The following SIPA1L2 variants were observed in gnomAD, a reference collection of about 807,000 sequenced individuals.
SIPA1L2 encodes signal-induced proliferation-associated 1-like protein 2.
A neutral mutation model predicts 163.9 loss-of-function variants in SIPA1L2; 56 were observed. The ratio of observed to expected loss-of-function variants is 0.34; its 90% confidence interval spans 0.28 to 0.43. The LOEUF (loss-of-function observed/expected upper bound fraction) is 0.43. Ranked by LOEUF, SIPA1L2 falls within the 20% of genes least tolerant of loss-of-function variation. The pLI, the probability that SIPA1L2 is intolerant of heterozygous loss-of-function variation, is 1.00. For synonymous variants in SIPA1L2, 877 were observed against 865.7 expected, an observed-to-expected ratio of 1.01 and a Z score of -0.23; for missense variants, 1,974 against 2,193.5, an observed-to-expected ratio of 0.90 and a Z score of 2.00.
chr1:232,546,953 A>C, intron 2 of SIPA1L2, among the ~76,000 whole-genome samples: 1 of 152,178 alleles, frequency 6.6e-6, no homozygotes, highest in East Asian at 1.9e-4. Context: ...AGGTAGAAGG[A>C]GCGGCTGGCA....
At chr1:232,551,902 C>G (rs1315665602) in intron 2 of SIPA1L2, among the ~76,000 whole-genome samples, 1 of 152,144 alleles carries the variant, frequency 6.6e-6, no homozygotes, top group Non-Finnish European at 1.5e-5. Flanking sequence ...TGCAATGGTG[C>G]GATCTCGGCT....
intron 3 of SIPA1L2, among the ~76,000 whole-genome samples, chr1:232,506,827 T>C (rs1017759372): frequency 3.0e-4 from 45 of 152,226 alleles, no homozygotes; most frequent in Non-Finnish European, 6.2e-4. Flanking sequence ...AAATTCTTTC[T>C]TCTTGTCTTA....
At chr1:232,521,439 A>G (rs1007053541) in intron 2 of SIPA1L2, among the ~76,000 whole-genome samples, 1 of 152,176 alleles carries the variant, frequency 6.6e-6, no homozygotes, top group African/African-American at 2.4e-5. Context: ...TTTCCTTTAT[A>G]CTGATTTGTA....
intron 18 of SIPA1L2, among the ~76,000 whole-genome samples, chr1:232,417,490 T>C (rs1661328860): frequency 6.6e-6 from 1 of 152,022 alleles, no homozygotes; most frequent in Non-Finnish European, 1.5e-5. Context: ...TGCCAAGAGG[T>C]TAACCAGCAG....
chr1:232,461,271 G>C, intron 9 of SIPA1L2, 110 bp from the exon 10 acceptor site: 1 of 1,363,364 alleles, frequency 7.3e-7, no homozygotes, highest in Non-Finnish European at 1.0e-6. Flanking sequence ...TTGGGCCCTC[G>C]CAGCCCAGCC....
At chr1:232,629,220 C>A (rs1028620815) in intron 1 of SIPA1L2, among the ~76,000 whole-genome samples, 8 of 152,212 alleles carry the variant, frequency 5.3e-5, no homozygotes, top group Non-Finnish European at 1.2e-4. Flanking sequence ...TTTGGGTTTG[C>A]GGCACGGCTG....
chr1:232,628,827 A>C (rs1486388252), intron 1 of SIPA1L2, among the ~76,000 whole-genome samples: 1 of 152,222 alleles, frequency 6.6e-6, no homozygotes. Context: ...GACTGCAGAC[A>C]AAAGAGGCAA....
At chr1:232,404,261 T>G in intron 19 of SIPA1L2, 83 bp from the exon 20 acceptor site, 1 of 1,202,340 alleles carries the variant, frequency 8.3e-7, no homozygotes, top group African/African-American at 1.5e-5. Context: ...AATGCGGCTG[T>G]GTGAAGTAGT....
chr1:232,517,719 A>G (rs970428406), intron 2 of SIPA1L2, among the ~76,000 whole-genome samples: 1 of 152,214 alleles, frequency 6.6e-6, no homozygotes, highest in Non-Finnish European at 1.5e-5. Context: ...ATCTTGTGAA[A>G]AAATGGAAGA....
chr1:232,600,475 A>G (rs1052775830), intron 1 of SIPA1L2, among the ~76,000 whole-genome samples: 1 of 152,214 alleles, frequency 6.6e-6, no homozygotes, highest in Non-Finnish European at 1.5e-5. Context: ...CTGAGAAATG[A>G]AAGTTATGAG....
intron 9 of SIPA1L2, among the ~76,000 whole-genome samples, chr1:232,464,486 T>G (rs1174376820): frequency 6.6e-6 from 1 of 152,212 alleles, no homozygotes; most frequent in Non-Finnish European, 1.5e-5. Flanking sequence ...ACAGCAATTC[T>G]GTTGTTAATT....
chr1:232,490,837 A>G (rs1200845410), intron 5 of SIPA1L2, 37 bp downstream of exon 5: 1 of 1,542,986 alleles, frequency 6.5e-7, no homozygotes. Flanking sequence ...ACAGACACAA[A>G]TTCACACACA....
intron 2 of SIPA1L2, chr1:232,561,436 A>G (rs1659028538): frequency 6.6e-6 from 1 of 152,208 alleles, no homozygotes; most frequent in African/African-American, 2.4e-5. Flanking sequence ...ATTTCCATAT[A>G]CAAAACTACA....
chr1:232,537,588 C>A (rs1001919882), intron 2 of SIPA1L2, among the ~76,000 whole-genome samples: 3 of 152,074 alleles, frequency 2.0e-5, no homozygotes, highest in African/African-American at 4.8e-5. Flanking sequence ...TGTCCGTCAC[C>A]CTTGTTTAGC....
chr1:232,602,218 CCT>C (rs1013917438), intron 1 of SIPA1L2, among the ~76,000 whole-genome samples: 3 of 152,232 alleles, frequency 2.0e-5, no homozygotes, highest in African/African-American at 7.2e-5. Flanking sequence ...GGGGCAGGAG[CCT>C]CTGAGTCTAG....
intron 1 of SIPA1L2, among the ~76,000 whole-genome samples, chr1:232,587,317 C>T (rs971253564): frequency 2.6e-5 from 4 of 152,150 alleles, no homozygotes; most frequent in South Asian, 2.1e-4. Flanking sequence ...TGGCCCCACA[C>T]GTCTATCACC....
Position 232,604,423 on chromosome 1 carries a change from T to C in SIPA1L2, c.-319+25446A>G, listed in dbSNP as rs149371588. Among the ~76,000 whole-genome samples, 7 of 152,328 alleles carry C rather than the reference T, an allele frequency of 4.6e-5. No individual in the cohort carries two copies. The South Asian group carries it at 1.2e-3, about 27-fold the overall frequency. On this transcript the variant is annotated intron_variant, in intron 1 of 22. Coordinates refer to ENST00000674635, the MANE Select transcript of SIPA1L2 (RefSeq NM_020808.5). The stretch of plus-strand genomic sequence containing the variant: ...GTTCAATAACGCAGAAAAGTAACTA[T>C]AGTTTACTGTGCACCTACTATGTGC...
chr1:232,473,177 C>G (rs1664881274), intron 7 of SIPA1L2, among the ~76,000 whole-genome samples: 1 of 152,218 alleles, frequency 6.6e-6, no homozygotes, highest in Admixed American at 6.5e-5. Context: ...ATTCTTTACT[C>G]TTTTCTCCAA....
intron 1 of SIPA1L2, among the ~76,000 whole-genome samples, chr1:232,574,858 T>C (rs926445638): frequency 1.3e-5 from 2 of 152,200 alleles, no homozygotes; most frequent in Non-Finnish European, 2.9e-5. Flanking sequence ...CTAGACACTC[T>C]ACTAAAACAC....
Sources: allele counts gnomAD v4.1 joint callset (sites outside exome capture counted in the v4.1 genomes callset), GRCh38; gene constraint gnomAD v4.1.1; transcripts MANE v1.5; gene names NCBI Gene and HGNC (gene_info 2026-07-23, HGNC 2026-07-21).